PDE11A: variants seen among roughly 807,000 people sequenced by gnomAD.
PDE11A encodes dual 3',5'-cyclic-AMP and -GMP phosphodiesterase 11A.
Under a neutral mutation model 100.5 loss-of-function variants are expected in PDE11A, and 100 were observed. The observed-to-expected ratio is 1.00, with a 90% CI of 0.85 to 1.18. PDE11A has a LOEUF of 1.18. PDE11A is among the 50% of genes most tolerant of loss of function. PDE11A has a pLI of 0.00. For synonymous variants in PDE11A, 381 were observed against 420.8 expected (o/e 0.91, Z 1.16); for missense variants, 1,141 against 1,152.6 (o/e 0.99, Z 0.15).
At chr2:178,088,230 T>C (rs2087382420) in intron 2 of PDE11A, among the ~76,000 whole-genome samples, 1 of 152,286 alleles carries the variant, frequency 6.6e-6, no homozygotes, top group Non-Finnish European at 1.5e-5. Context: ...AAGTGAAAAA[T>C]GCAAAGAAGA....
chr2:177,934,840 T>C (rs930229178), intron 2 of PDE11A, among the ~76,000 whole-genome samples: 4 of 152,172 alleles, frequency 2.6e-5, no homozygotes, highest in African/African-American at 7.2e-5. Context: ...TGCAGCAACA[T>C]GGATACAGCT....
At chr2:177,755,393 G>A (rs753343373) in intron 10 of PDE11A, among the ~76,000 whole-genome samples, 1 of 152,156 alleles carries the variant, frequency 6.6e-6, no homozygotes, top group Non-Finnish European at 1.5e-5. Context: ...TAGACATTAC[G>A]AAGAGGCTCT....
intron 2 of PDE11A, among the ~76,000 whole-genome samples, chr2:177,941,311 A>C (rs2085343157): frequency 6.6e-6 from 1 of 152,156 alleles, no homozygotes; most frequent in Admixed American, 6.5e-5. Flanking sequence ...ACTTTCTTCT[A>C]ACTCGCATGA....
intron 2 of PDE11A, among the ~76,000 whole-genome samples, chr2:177,968,285 T>C (rs10930819): frequency 0.063 from 9,546 of 152,308 alleles, 305 homozygotes; most frequent in South Asian, 0.094. Flanking sequence ...TATTTTTATG[T>C]CAACACCAAT....
At chr2:177,921,061 CA>C (rs34249286) in intron 2 of PDE11A, among the ~76,000 whole-genome samples, 12,042 of 87,744 alleles carry the variant, frequency 0.14, 436 homozygotes, top group South Asian at 0.16. Context: ...GACTCCATCT[CA>C]AAAAAAAAAA....
chr2:177,644,701 G>T (rs2080196338), intron 19 of PDE11A, among the ~76,000 whole-genome samples: 1 of 152,198 alleles, frequency 6.6e-6, no homozygotes, highest in Admixed American at 6.5e-5. Flanking sequence ...GTGGTGGAAT[G>T]ATACAGTTTG....
intron 14 of PDE11A, among the ~76,000 whole-genome samples, chr2:177,698,855 A>G (rs144218922): frequency 8.4e-4 from 128 of 152,294 alleles, no homozygotes; most frequent in African/African-American, 2.9e-3. Flanking sequence ...GCATTACCCA[A>G]TGATCAATCA....
At chr2:177,682,327 T>A (rs1396440799) in intron 15 of PDE11A, among the ~76,000 whole-genome samples, 1 of 152,204 alleles carries the variant, frequency 6.6e-6, no homozygotes, top group East Asian at 1.9e-4. Context: ...CTAAAACATA[T>A]AAAACCAAGC....
chr2:177,945,457 T>C (rs4511758), intron 2 of PDE11A, among the ~76,000 whole-genome samples: 86,872 of 124,986 alleles, frequency 0.7, 30,454 homozygotes, highest in East Asian at 0.78. Flanking sequence ...ATGTGGGGAG[T>C]GCCTCTGCCC....
At chr2:177,713,523 G>A (rs1008925456) in intron 12 of PDE11A, among the ~76,000 whole-genome samples, 14 of 152,012 alleles carry the variant, frequency 9.2e-5, no homozygotes, top group African/African-American at 2.2e-4. Context: ...TCAGGAATTC[G>A]AGACCAGCCT....
intron 2 of PDE11A, among the ~76,000 whole-genome samples, chr2:177,968,005 C>G (rs1426480594): frequency 6.6e-6 from 1 of 152,192 alleles, no homozygotes; most frequent in Non-Finnish European, 1.5e-5. Flanking sequence ...CAAAGTCACA[C>G]AGATAATAAA....
chr2:177,925,371 C>T (rs2085111951), intron 2 of PDE11A, among the ~76,000 whole-genome samples: 1 of 151,576 alleles, frequency 6.6e-6, no homozygotes, highest in Non-Finnish European at 1.5e-5. Flanking sequence ...TCCTATTTCT[C>T]CACATCCTCT....
At chr2:177,777,348 G>A (rs2082392048) in intron 9 of PDE11A, among the ~76,000 whole-genome samples, 1 of 152,034 alleles carries the variant, frequency 6.6e-6, no homozygotes, top group Admixed American at 6.5e-5. Context: ...GCCATTGAAG[G>A]AAATATAAAA....
At chr2:177,750,903 C>A (rs1202868868) in intron 10 of PDE11A, among the ~76,000 whole-genome samples, 1 of 152,190 alleles carries the variant, frequency 6.6e-6, no homozygotes. Flanking sequence ...ATTCCTAGCT[C>A]TATTACAGAA....
At chr2:177,984,722 G>A (rs1486572758) in intron 2 of PDE11A, among the ~76,000 whole-genome samples, 2 of 152,188 alleles carry the variant, frequency 1.3e-5, no homozygotes, top group South Asian at 2.1e-4. Flanking sequence ...AAACCCCCAT[G>A]AGATTAGGAC....
chr2:177,692,230 A>G (rs2081050448), intron 15 of PDE11A, among the ~76,000 whole-genome samples: 1 of 152,224 alleles, frequency 6.6e-6, no homozygotes, highest in East Asian at 1.9e-4. Flanking sequence ...TGGAAGGTGC[A>G]TAGGTCATCT....
intron 6 of PDE11A, among the ~76,000 whole-genome samples, chr2:177,821,468 C>A (rs1406327800): frequency 6.6e-6 from 1 of 151,676 alleles, no homozygotes; most frequent in Non-Finnish European, 1.5e-5. Context: ...TGCATATATG[C>A]ATTTCTGATA....
intron 9 of PDE11A, among the ~76,000 whole-genome samples, chr2:177,809,839 GGAA>G (rs1175388356): frequency 6.6e-6 from 1 of 152,170 alleles, no homozygotes; most frequent in African/African-American, 2.4e-5. Context: ...TAAGTTTAAA[GGAA>G]GAAGAGTGAG....
At chr2:178,056,621 CTG>C (rs946292374) in intron 1 of PDE11A, among the ~76,000 whole-genome samples, 63 of 152,024 alleles carry the variant, frequency 4.1e-4, no homozygotes, top group African/African-American at 1.5e-3. Context: ...TAATTAAACT[CTG>C]TGTATTTAAA....
Sources: gnomAD v4.1 joint callset for allele counts (sites outside exome capture counted in the v4.1 genomes callset) on GRCh38, gnomAD v4.1.1 for gene constraint, MANE v1.5 for transcripts, NCBI Gene and HGNC (gene_info 2026-07-23, HGNC 2026-07-21) for gene names.